MYO16: variants seen among roughly 807,000 people sequenced by gnomAD.
MYO16 encodes myosin XVI.
MYO16 carries 94 observed loss-of-function variants against 205.3 expected under a neutral mutation model. The observed-to-expected ratio is 0.46, with a 90% CI of 0.39 to 0.54. The LOEUF is 0.54. Among genes scored for constraint, MYO16 ranks in the 20% least tolerant of loss-of-function variants. MYO16 has a pLI of 0.00. For synonymous variants in MYO16, 988 were observed against 954.0 expected (o/e 1.04, Z -0.66); for missense variants, 2,315 against 2,387.5 (o/e 0.97, Z 0.63).
intron 21 of MYO16, among the ~76,000 whole-genome samples, chr13:109,004,227 AT>A (rs1885314913): frequency 6.6e-6 from 1 of 152,172 alleles, no homozygotes; most frequent in African/African-American, 2.4e-5. Context: ...GATTCAATGT[AT>A]TTTTAATAAT....
At chr13:108,845,044 A>G (rs888846262) in intron 10 of MYO16, among the ~76,000 whole-genome samples, 1 of 152,080 alleles carries the variant, frequency 6.6e-6, no homozygotes, top group Non-Finnish European at 1.5e-5. Context: ...AGTTATGGCA[A>G]TTAATGTATT....
intron 21 of MYO16, among the ~76,000 whole-genome samples, chr13:108,999,850 C>G (rs1385169423): frequency 6.6e-6 from 1 of 152,128 alleles, no homozygotes; most frequent in Non-Finnish European, 1.5e-5. Context: ...TATATATTTT[C>G]TAAACTTCAC....
chr13:108,829,386 T>C (rs1486784415), intron 9 of MYO16, among the ~76,000 whole-genome samples: 1 of 152,240 alleles, frequency 6.6e-6, no homozygotes, highest in East Asian at 1.9e-4. Context: ...TAAAGAAGAA[T>C]GGCTTTGTAG....
chr13:108,630,282 A>T (rs1421193224), intron 1 of MYO16, among the ~76,000 whole-genome samples: 1 of 152,200 alleles, frequency 6.6e-6, no homozygotes. Flanking sequence ...TTTAGTCTCA[A>T]GTTTTACTGC....
intron 28 of MYO16, chr13:109,101,882 G>A (rs1304627106): frequency 6.6e-6 from 1 of 152,158 alleles, no homozygotes; most frequent in Non-Finnish European, 1.5e-5. Flanking sequence ...ATGGGGACTT[G>A]GCTTTAGAAA....
chr13:108,741,334 C>G (rs996857367), intron 4 of MYO16, among the ~76,000 whole-genome samples: 6 of 152,178 alleles, frequency 3.9e-5, no homozygotes, highest in African/African-American at 1.4e-4. Flanking sequence ...CTATGACTCA[C>G]TCCGAATGAA....
At position 108,880,414 on chromosome 13, in the gene MYO16, GT is replaced by G. The variant is rs1439632966; in HGVS notation, c.1426-2641del. On this transcript the variant is annotated intron_variant, in intron 12 of 34. Coordinates refer to ENST00000457511, the MANE Select transcript of MYO16 (RefSeq NM_001198950.3). ...GACTTTTGTTGCCATTGCTTTTGGT[GT>G]TTTAGTCATGAAGTCTTTGCCCATG... 2.6e-5 allele frequency among the ~76,000 whole-genome samples: 4 copies of G among 152,272 alleles called. No individual in the cohort carries two copies. In the East Asian group the frequency reaches 5.8e-4, roughly 22 times the overall value.
chr13:108,495,736 C>T, the MYO16 span, among the ~76,000 whole-genome samples: 22 of 150,750 alleles, frequency 1.5e-4, no homozygotes, highest in African/African-American at 4.8e-4. Flanking sequence ...GCAGAGAGAG[C>T]CGCCGCCGAG....
chr13:109,128,299 C>G (rs967687521), intron 31 of MYO16, among the ~76,000 whole-genome samples: 1 of 152,172 alleles, frequency 6.6e-6, no homozygotes, highest in Non-Finnish European at 1.5e-5. Context: ...CATAATACAA[C>G]AGTAAATACT....
intron 27 of MYO16, among the ~76,000 whole-genome samples, chr13:109,087,926 T>C (rs1888487295): frequency 6.6e-6 from 1 of 152,234 alleles, no homozygotes; most frequent in African/African-American, 2.4e-5. Context: ...CATCTGTTCT[T>C]TTCAGTTTAA....
intron 23 of MYO16, among the ~76,000 whole-genome samples, chr13:109,040,829 A>C (rs567100808): frequency 2.6e-5 from 4 of 152,244 alleles, no homozygotes; most frequent in African/African-American, 9.6e-5. Context: ...TGCTCTCACC[A>C]CTCTTAACAT....
At chr13:109,157,439 C>T (rs1044417827) in intron 32 of MYO16, among the ~76,000 whole-genome samples, 1 of 152,060 alleles carries the variant, frequency 6.6e-6, no homozygotes, top group African/African-American at 2.4e-5. Flanking sequence ...GCATTCCCTT[C>T]CTTTTCCCTC....
intron 7 of MYO16, among the ~76,000 whole-genome samples, chr13:108,815,351 A>G (rs1310065168): frequency 6.6e-6 from 1 of 152,200 alleles, no homozygotes; most frequent in Non-Finnish European, 1.5e-5. Flanking sequence ...TCAGCTGGAA[A>G]GATTTTCCTG....
intron 2 of MYO16, among the ~76,000 whole-genome samples, chr13:108,707,397 C>G (rs917790981): frequency 2.0e-5 from 3 of 152,280 alleles, no homozygotes; most frequent in Admixed American, 6.5e-5. Flanking sequence ...ATTTAATAAC[C>G]TGGTGACAGA....
intron 27 of MYO16, among the ~76,000 whole-genome samples, chr13:109,064,511 C>T (rs187493139): frequency 6.6e-6 from 1 of 152,310 alleles, no homozygotes; most frequent in African/African-American, 2.4e-5. Flanking sequence ...AAATCAGTGG[C>T]TTGCAACAGC....
intron 4 of MYO16, among the ~76,000 whole-genome samples, chr13:108,734,752 A>G (rs1269783772): frequency 6.6e-6 from 1 of 152,206 alleles, no homozygotes; most frequent in Non-Finnish European, 1.5e-5. Context: ...TCAGCTGCTG[A>G]GAAGAGTCAA....
chr13:108,652,165 G>A (rs766544781), intron 1 of MYO16, among the ~76,000 whole-genome samples: 3 of 151,248 alleles, frequency 2.0e-5, no homozygotes, highest in East Asian at 1.9e-4. Context: ...GCGCGCGCGC[G>A]CATGTGTGCG....
the MYO16 span, among the ~76,000 whole-genome samples, chr13:108,555,970 C>G: frequency 2.6e-5 from 4 of 152,026 alleles, no homozygotes; most frequent in Non-Finnish European, 5.9e-5. Context: ...GTAGATATAT[C>G]ATATTTTCTT....
chr13:109,049,679 G>T (rs547789229), intron 24 of MYO16, among the ~76,000 whole-genome samples: 1 of 151,808 alleles, frequency 6.6e-6, no homozygotes, highest in Non-Finnish European at 1.5e-5. Flanking sequence ...TTGCTTATCT[G>T]TGGGTTCACT....
Sources: gnomAD v4.1 joint callset for allele counts (sites outside exome capture counted in the v4.1 genomes callset) on GRCh38, gnomAD v4.1.1 for gene constraint, MANE v1.5 for transcripts, NCBI Gene and HGNC (gene_info 2026-07-23, HGNC 2026-07-21) for gene names.